Variants in CEACAM19 observed in about 807,000 individuals in gnomAD.
CEACAM19 encodes CEA cell adhesion molecule 19.
Under a neutral mutation model 37.6 loss-of-function variants are expected in CEACAM19, and 37 were observed. The observed-to-expected ratio is 0.98, with a 90% confidence interval of 0.76 to 1.29. CEACAM19 has a LOEUF of 1.29. CEACAM19 is among the 50% of genes most tolerant of loss of function. The pLI is 0.00. For synonymous variants in CEACAM19, 140 were observed against 149.8 expected, an observed-to-expected ratio of 0.93 and a Z score of 0.48; for missense variants, 340 against 375.6, an observed-to-expected ratio of 0.91 and a Z score of 0.78.
chr19:44,668,138 TATA>T (rs1973773031), upstream of CEACAM19, among the ~76,000 whole-genome samples: 1 of 88,242 alleles, frequency 1.1e-5, no homozygotes, highest in Non-Finnish European at 1.9e-5. Context: ...TTTTATATAA[TATA>T]TTATATATAT....
rs1043313026 is a variant in CEACAM19, at chr19:44,683,404, G to C, written c.847-33G>C. On this transcript the variant is annotated intron_variant, in intron 7 of 7. Transcript: ENST00000358777. Reference sequence around the variant, plus strand: ...CCCCAAGACTCTCCCCCTCCACCCAGTCATAATTCTGTTCTCTCTTCCCCC... The same window carrying C: ...CCCCAAGACTCTCCCCCTCCACCCACTCATAATTCTGTTCTCTCTTCCCCC... The C allele has an allele frequency of 3.4e-6, 4 of 1,177,638 alleles. No individual in the cohort carries two copies. In the South Asian group the frequency reaches 4.3e-5, roughly 13 times the overall value. The allele number at this position is 1,177,638 out of a possible 1,614,324, so 72.9% of individuals were successfully genotyped here. A position where few individuals can be genotyped will look rare whatever the true frequency, so the allele number is the denominator to read the frequency against.
chr19:44,674,744 A>T (rs2122131639), intron 2 of CEACAM19, among the ~76,000 whole-genome samples: 1 of 152,344 alleles, frequency 6.6e-6, no homozygotes, highest in Non-Finnish European at 1.5e-5. Context: ...GTGAATAGAA[A>T]AAATTTTACA....
At chr19:44,666,430 A>G (rs1432630717) in intron 1 of CEACAM19, among the ~76,000 whole-genome samples, 1 of 152,224 alleles carries the variant, frequency 6.6e-6, no homozygotes, top group Admixed American at 6.5e-5. Context: ...ACACTTTGGG[A>G]GGCCGAGGTG....
At position 44,676,301 on chromosome 19, in the gene CEACAM19, T is replaced by C; in HGVS notation, c.455T>C (p.Leu152Pro). 1.2e-6 allele frequency: 2 copies of C among 1,614,150 alleles called. No individual in the cohort carries two copies. The highest frequency in any genetic ancestry group is 1.7e-6 in the Non-Finnish European group (2 of 1,180,012). Residue 152 changes from leucine (L) to proline (P), a missense_variant, in exon 3 of 8, where the codon CTG (leucine) becomes CCG (proline). By Grantham distance (98) the Leu-to-Pro change is moderately conservative. Coordinates refer to ENST00000358777, the MANE Select transcript of CEACAM19 (RefSeq NM_001127893.3). ...AATAAGGAGCTGCCCAGTACACACC[T>C]GCCCACCAACGCTGGGATCCTGGCG... ...EKNKELPSTH[L>P]PTNAGILAAT...
At chr19:44,667,159 G>A (rs900316840), upstream of CEACAM19, 7 of 151,648 alleles carry the variant, frequency 4.6e-5, no homozygotes, top group African/African-American at 1.7e-4. Context: ...TCAACCTGGG[G>A]CCTCTAGAAG....
upstream of CEACAM19, among the ~76,000 whole-genome samples, chr19:44,667,806 T>TTA (rs1212077896): frequency 2.9e-5 from 2 of 68,136 alleles, no homozygotes; most frequent in Non-Finnish European, 4.7e-5. Context: ...ATTATATAAT[T>TTA]TATATATTAT....
upstream of CEACAM19, among the ~76,000 whole-genome samples, chr19:44,667,619 T>TATATA (rs1491448216): frequency 3.1e-5 from 3 of 97,706 alleles, no homozygotes; most frequent in Non-Finnish European, 5.6e-5. Flanking sequence ...ATATTATATA[T>TATATA]TTATAAATAT....
intron 6 of CEACAM19, among the ~76,000 whole-genome samples, chr19:44,682,102 TA>T (rs1279152459): frequency 6.6e-6 from 1 of 151,890 alleles, no homozygotes; most frequent in African/African-American, 2.4e-5. Flanking sequence ...TACAAAAATT[TA>T]GCTAGGCATG....
chr19:44,671,803 C>A lies in CEACAM19; in HGVS notation c.-129C>A. 1.4e-6 allele frequency: 1 copy of A among 705,870 alleles called. No individual in the cohort carries two copies. Among genetic ancestry groups the A allele is most frequent in the Non-Finnish European group, 2.4e-6 (1 of 417,030 alleles). 43.7% of individuals were successfully genotyped at this position (705,870 alleles called of 1,614,324 possible). On this transcript the variant is annotated 5_prime_UTR_variant, in exon 1 of 8. Coordinates refer to ENST00000358777, the MANE Select transcript of CEACAM19 (RefSeq NM_001127893.3). ...CAGGGCATGCTGGGGCTGGGCCAGCCCCAGCGGTGTCTCTAAGGCACCCCT... is the reference window on the plus strand; with the variant it reads ...CAGGGCATGCTGGGGCTGGGCCAGCACCAGCGGTGTCTCTAAGGCACCCCT...
rs922615272 is a variant in CEACAM19 at position 44,671,489 on chromosome 19, T to A, written c.-443T>A. 2.0e-5 allele frequency: 8 copies of A among 396,818 alleles called. No individual in the cohort carries two copies. The highest frequency in any genetic ancestry group is 1.6e-4 in the African/African-American group (8 of 48,596). The allele number at this position is 396,818 out of a possible 1,614,324, so 24.6% of individuals were successfully genotyped here. ...CTCTGTCTATTGGCAGACTTGCCTC[T>A]TTTCCTGGGCCTCTGTTTCCACATC... is the stretch of plus-strand genomic sequence containing the variant. On this transcript the variant is annotated 5_prime_UTR_variant, in exon 1 of 8. Coordinates refer to ENST00000358777, the MANE Select transcript of CEACAM19 (RefSeq NM_001127893.3).
In CEACAM19 at chr19:44,672,745, G is replaced by T. The variant is rs186700168; in HGVS notation, c.205G>T (p.Glu69Ter). The change falls in exon 2 of 8, where the codon GAG (glutamate) becomes TAG (stop). Residue 69 changes from glutamate to a stop codon, truncating the protein, a stop_gained. Coordinates refer to ENST00000358777, the MANE Select transcript of CEACAM19 (RefSeq NM_001127893.3). LOFTEE classifies it high-confidence loss of function. ...CCAGGACTTCAACTGGTACCTGGGG[G>T]AGGAGACGTACGGAGGCACGAGGCT... ...TFQDFNWYLG[E>*]ETYGGTRLFT... The T allele has an allele frequency of 1.9e-6, 3 of 1,584,350 alleles. No homozygotes were observed. The Admixed American group carries it at 5.3e-5, about 28-fold the overall frequency.
Position 44,671,746 on chromosome 19 carries a change from G to A in CEACAM19, c.-186G>A. On this transcript the variant is annotated 5_prime_UTR_variant, in exon 1 of 8. Coordinates refer to ENST00000358777, the MANE Select transcript of CEACAM19 (RefSeq NM_001127893.3). Reference sequence around the variant, plus strand: ...ACCTCTGTCTGTGCTCCCATCCCAGGGAGTATAGGTGGAGCCTCCAGAGCC... The same window carrying A: ...ACCTCTGTCTGTGCTCCCATCCCAGAGAGTATAGGTGGAGCCTCCAGAGCC... 1.8e-6 allele frequency: 1 copy of A among 545,242 alleles called. No individual in the cohort carries two copies. Among genetic ancestry groups the A allele is most frequent in the Non-Finnish European group, 3.3e-6 (1 of 303,856 alleles). 33.8% of individuals were successfully genotyped at this position (545,242 alleles called of 1,614,324 possible). A position where few individuals can be genotyped will look rare whatever the true frequency, so the allele number is the denominator to read the frequency against.
chr19:44,680,214 G>C, intron 4 of CEACAM19, 74 bp from the exon 5 acceptor site: 22 of 1,287,716 alleles, frequency 1.7e-5, no homozygotes, highest in Non-Finnish European at 2.1e-5. Context: ...GGGATTTCCA[G>C]CTTCTCTTAA....
intron 2 of CEACAM19, 152 bp from the exon 3 acceptor site, chr19:44,676,119 G>C: frequency 1.3e-6 from 1 of 793,814 alleles, no homozygotes; most frequent in East Asian, 2.5e-5. Flanking sequence ...TGGATACTCA[G>C]ATCTGAAAAG....
At chr19:44,676,472 A>G in intron 3 of CEACAM19, 51 bp downstream of exon 3, 1 of 1,579,112 alleles carries the variant, frequency 6.3e-7, no homozygotes, top group Non-Finnish European at 8.7e-7. Flanking sequence ...TGTCTTCTCA[A>G]GCCCCATGGA....
chr19:44,670,183 G>T (rs1013557929), upstream of CEACAM19, among the ~76,000 whole-genome samples: 17 of 151,616 alleles, frequency 1.1e-4, no homozygotes, highest in African/African-American at 4.1e-4. Flanking sequence ...ATTGACCAGG[G>T]ATGGTAGCAC....
intron 1 of CEACAM19, 141 bp downstream of exon 1, chr19:44,672,127 G>C: frequency 1.5e-6 from 1 of 688,830 alleles, no homozygotes; most frequent in Non-Finnish European, 2.5e-6. Context: ...CAGAATCACA[G>C]CCTCATTGCC....
At chr19:44,667,813 TTA>T (rs1307637258), upstream of CEACAM19, among the ~76,000 whole-genome samples, 3,418 of 72,708 alleles carry the variant, frequency 0.047, 114 homozygotes, top group Middle Eastern at 0.071. Flanking sequence ...AATTTATATA[TTA>T]TATATAAATT....
chr19:44,676,906 G>A (rs1290827422), intron 3 of CEACAM19, among the ~76,000 whole-genome samples: 1 of 152,194 alleles, frequency 6.6e-6, no homozygotes, highest in Non-Finnish European at 1.5e-5. Flanking sequence ...ATGAGCCACT[G>A]TTCCCTGCCC....
Sources: allele counts gnomAD v4.1 joint callset (sites outside exome capture counted in the v4.1 genomes callset), GRCh38; gene constraint gnomAD v4.1.1; transcripts MANE v1.5; gene names NCBI Gene and HGNC (gene_info 2026-07-23, HGNC 2026-07-21).